CACNB4: variants seen among roughly 807,000 people sequenced by gnomAD.
CACNB4 encodes the protein calcium voltage-gated channel auxiliary subunit beta 4.
CACNB4 carries 32 observed loss-of-function variants against 71.2 expected under a neutral mutation model. That is an observed-to-expected ratio of 0.45 (90% CI 0.34 to 0.60). The LOEUF (loss-of-function observed/expected upper bound fraction) is 0.60, where lower values mean the gene tolerates loss of function less well. Among genes scored for constraint, CACNB4 ranks in the 20% least tolerant of loss-of-function variants. CACNB4 has a pLI of 0.01. For missense variants in CACNB4, 464 were observed against 647.9 expected (o/e 0.72, Z 3.08); for synonymous variants, 231 against 236.9 (o/e 0.97, Z 0.23).
Position 151,838,936 on chromosome 2 carries a change from A to C in CACNB4, c.*183T>G. 1 of 501,026 alleles carries C rather than the reference A, an allele frequency of 2.0e-6. No individual in the cohort carries two copies. The highest frequency in any genetic ancestry group is 3.6e-6 in the Non-Finnish European group (1 of 281,574). 31.0% of individuals were successfully genotyped at this position (501,026 alleles called of 1,614,324 possible). ...AAAATATCTATATGATCGGGCATCT[A>C]ATATCCATCTAGACTCAAGGGCATA... On this transcript the variant is annotated 3_prime_UTR_variant, in exon 14 of 14. Coordinates refer to ENST00000539935, the MANE Select transcript of CACNB4 (RefSeq NM_000726.5).
intron 2 of CACNB4, among the ~76,000 whole-genome samples, chr2:151,949,446 G>A (rs1419704306): frequency 6.6e-6 from 1 of 151,390 alleles, no homozygotes; most frequent in African/African-American, 2.4e-5. Flanking sequence ...CTGGCAGGAT[G>A]TGATGTTGAG....
chr2:152,083,812 C>A (rs1017585522), intron 2 of CACNB4, among the ~76,000 whole-genome samples: 1 of 152,166 alleles, frequency 6.6e-6, no homozygotes, highest in Non-Finnish European at 1.5e-5. Context: ...CTGAAAGCAT[C>A]TTCCACAAGT....
intron 2 of CACNB4, among the ~76,000 whole-genome samples, chr2:151,952,880 A>G (rs1200352438): frequency 6.6e-6 from 1 of 152,228 alleles, no homozygotes; most frequent in Non-Finnish European, 1.5e-5. Flanking sequence ...TCATGTGAGA[A>G]GGATGAAAAC....
At chr2:151,865,128 C>T (rs543232303) in intron 9 of CACNB4, among the ~76,000 whole-genome samples, 43 of 152,318 alleles carry the variant, frequency 2.8e-4, no homozygotes, top group African/African-American at 7.5e-4. Flanking sequence ...AAATTGATTA[C>T]GAAACGGAAG....
chr2:152,062,044 A>AATAATAATAATG (rs1287024647), intron 2 of CACNB4, among the ~76,000 whole-genome samples: 1 of 146,390 alleles, frequency 6.8e-6, no homozygotes, highest in East Asian at 1.9e-4. Context: ...TAATAATAAT[A>AATAATAATAATG]ATAATGATTA....
At chr2:151,950,677 T>C (rs1212025213) in intron 2 of CACNB4, among the ~76,000 whole-genome samples, 1 of 152,244 alleles carries the variant, frequency 6.6e-6, no homozygotes, top group Non-Finnish European at 1.5e-5. Flanking sequence ...TGGATGAACC[T>C]TGAAACATTA....
At chr2:152,016,759 C>T (rs1295198732) in intron 2 of CACNB4, among the ~76,000 whole-genome samples, 2 of 152,210 alleles carry the variant, frequency 1.3e-5, no homozygotes, top group African/African-American at 2.4e-5. Flanking sequence ...GCCACAATAA[C>T]TGTGCTTCGG....
intron 2 of CACNB4, among the ~76,000 whole-genome samples, chr2:152,090,548 CAGG>C (rs1373125875): frequency 6.6e-6 from 1 of 151,548 alleles, no homozygotes; most frequent in East Asian, 1.9e-4. Context: ...GAGGCTGAGG[CAGG>C]AGAATTGCTT....
intron 2 of CACNB4, among the ~76,000 whole-genome samples, chr2:152,062,284 G>C (rs1441803758): frequency 6.6e-6 from 1 of 151,976 alleles, no homozygotes; most frequent in Non-Finnish European, 1.5e-5. Context: ...ACAGTATTCA[G>C]GCAGCAAAGA....
chr2:152,094,564 G>T (rs1688159722), intron 2 of CACNB4, among the ~76,000 whole-genome samples: 1 of 152,144 alleles, frequency 6.6e-6, no homozygotes, highest in African/African-American at 2.4e-5. Context: ...GACACCCATG[G>T]GTAGATATAC....
intron 2 of CACNB4, among the ~76,000 whole-genome samples, chr2:151,901,490 G>T (rs1475078713): frequency 6.6e-6 from 1 of 151,902 alleles, no homozygotes; most frequent in Admixed American, 6.6e-5. Flanking sequence ...TTGTGGAAAG[G>T]TTCTTCACCA....
At chr2:151,925,132 G>A (rs1056508850) in intron 2 of CACNB4, among the ~76,000 whole-genome samples, 5 of 152,074 alleles carry the variant, frequency 3.3e-5, no homozygotes, top group Non-Finnish European at 7.4e-5. Context: ...GCACATAAAA[G>A]CCATTAAACA....
At chr2:151,964,302 G>T (rs1051071355) in intron 2 of CACNB4, among the ~76,000 whole-genome samples, 2 of 152,098 alleles carry the variant, frequency 1.3e-5, no homozygotes, top group Non-Finnish European at 2.9e-5. Context: ...ATGATCTTAT[G>T]TGCATTTTTA....
chr2:152,036,040 G>A (rs560413141), intron 2 of CACNB4, among the ~76,000 whole-genome samples: 32 of 152,248 alleles, frequency 2.1e-4, no homozygotes, highest in African/African-American at 7.7e-4. Context: ...ACTTGAAGAC[G>A]TTAAGTGAAA....
At position 151,834,866 on chromosome 2, in the gene CACNB4, T is replaced by C. The variant is rs1002677432; in HGVS notation, c.*4253A>G. 1.3e-5 allele frequency: 2 copies of C among 151,960 alleles called. No individual in the cohort carries two copies. The highest frequency in any genetic ancestry group is 4.8e-5 in the African/African-American group (2 of 41,442). 9.4% of individuals were successfully genotyped at this position (151,960 alleles called of 1,614,324 possible). A position where few individuals can be genotyped will look rare whatever the true frequency, so the allele number is the denominator to read the frequency against. ...ACATAATTTCCTATAAATTTTTCAT[T>C]CATACAGTCATTCAAGGATGAGTTT... On this transcript the variant is annotated 3_prime_UTR_variant, in exon 14 of 14. Transcript: ENST00000539935.
chr2:152,091,032 T>C (rs1579281763), intron 2 of CACNB4, among the ~76,000 whole-genome samples: 1 of 149,552 alleles, frequency 6.7e-6, no homozygotes, highest in Non-Finnish European at 1.5e-5. Context: ...CAACAGAGTG[T>C]GACTCCATCT....
intron 2 of CACNB4, among the ~76,000 whole-genome samples, chr2:152,064,651 G>A (rs1403679200): frequency 1.3e-5 from 2 of 152,118 alleles, no homozygotes; most frequent in Non-Finnish European, 2.9e-5. Context: ...CCAAAGTGCT[G>A]GGATTACAGG....
chr2:151,849,934 C>A (rs1407302672), intron 12 of CACNB4, among the ~76,000 whole-genome samples: 1 of 152,026 alleles, frequency 6.6e-6, no homozygotes, highest in Non-Finnish European at 1.5e-5. Flanking sequence ...ACAGCTACAC[C>A]CATTTGTTTA....
At chr2:151,846,623 G>A (rs890918630) in intron 12 of CACNB4, among the ~76,000 whole-genome samples, 2 of 152,198 alleles carry the variant, frequency 1.3e-5, no homozygotes, top group African/African-American at 4.8e-5. Context: ...CGTAATCTCC[G>A]ATCACTGAAG....
Sources: allele counts gnomAD v4.1 joint callset (sites outside exome capture counted in the v4.1 genomes callset), GRCh38; gene constraint gnomAD v4.1.1; transcripts MANE v1.5; gene names NCBI Gene and HGNC (gene_info 2026-07-23, HGNC 2026-07-21).